ATP13A2: variants seen among roughly 807,000 people sequenced by gnomAD.
The protein encoded by ATP13A2 is polyamine-transporting ATPase 13A2.
A neutral mutation model predicts 138.3 loss-of-function variants in ATP13A2; 83 were observed. That is an observed-to-expected ratio of 0.60 (90% CI 0.50 to 0.72). The LOEUF (loss-of-function observed/expected upper bound fraction) is 0.72, where lower values mean the gene tolerates loss of function less well. Among genes scored for constraint, ATP13A2 ranks in the 30% least tolerant of loss-of-function variants. The pLI is 0.00. For missense variants in ATP13A2, 1,402 were observed against 1,606.4 expected (o/e 0.87, Z 2.17); for synonymous variants, 663 against 699.0 (o/e 0.95, Z 0.81).
At chr1:17,005,121 C>T in intron 3 of ATP13A2, 49 bp from the exon 4 acceptor site, 4 of 1,610,348 alleles carry the variant, frequency 2.5e-6, no homozygotes, top group Non-Finnish European at 3.4e-6. Context: ...CCCTCCCCTC[C>T]CAGGCCCTGT....
At position 16,989,739 on chromosome 1, in the gene ATP13A2, A is replaced by C. The variant is rs587777053; in HGVS notation, c.2561T>G (p.Met854Arg). Residue 854 changes from methionine to arginine, a missense_variant, in exon 23 of 29, where the codon ATG becomes AGG. Met to Arg is a moderately conservative substitution (Grantham distance 91). Transcript: ENST00000326735. ...CAGCTCTGTCTTCTGCTCAGGGGCCATGCGGGCAAAGACAGTGCCCTGGAC... is the reference window on the plus strand; with the variant it reads ...CAGCTCTGTCTTCTGCTCAGGGGCCCTGCGGGCAAAGACAGTGCCCTGGAC... ...VLVQGTVFAR[M>R]APEQKTELVC... 6.2e-7 allele frequency: 1 copy of C among 1,614,078 alleles called. No individual in the cohort carries two copies. The highest frequency in any genetic ancestry group is 8.5e-7 in the Non-Finnish European group (1 of 1,180,032).
rs2076743384 is a variant in ATP13A2, at chr1:16,986,760, C to T, written c.3235+45G>A. 1 of 907,862 alleles carries T rather than the reference C, an allele frequency of 1.1e-6. No individual in the cohort carries two copies. The highest frequency in any genetic ancestry group is 1.5e-6 in the Non-Finnish European group (1 of 686,792). 56.2% of individuals were successfully genotyped at this position (907,862 alleles called of 1,614,324 possible). The stretch of plus-strand genomic sequence containing the variant: ...CTGCCTCCCCAGCACCCCAGGGCTC[C>T]TCCCTCCCTCCGCCAGCATCTCCCG... On this transcript the variant is annotated intron_variant, in intron 27 of 28. Coordinates refer to ENST00000326735, the MANE Select transcript of ATP13A2 (RefSeq NM_022089.4). The surrounding 1 kb of genome is among the most constrained non-coding windows in gnomAD (Gnocchi z 6.9).
chr1:17,009,782 C>T (rs1204689116), intron 1 of ATP13A2, among the ~76,000 whole-genome samples: 1 of 152,158 alleles, frequency 6.6e-6, no homozygotes, highest in East Asian at 1.9e-4. Flanking sequence ...AGTTCTTCCT[C>T]ATGGCAATCG....
intron 11 of ATP13A2, among the ~76,000 whole-genome samples, chr1:16,999,070 G>A (rs2077245316): frequency 6.6e-6 from 1 of 152,000 alleles, no homozygotes; most frequent in African/African-American, 2.4e-5. Context: ...ACCTGAAGGT[G>A]GGCACTGGTA....
At chr1:16,989,349 T>C (rs372405137) in intron 23 of ATP13A2, among the ~76,000 whole-genome samples, 1 of 152,280 alleles carries the variant, frequency 6.6e-6, no homozygotes, top group African/African-American at 2.4e-5. Context: ...GTAGCTGGGA[T>C]GACCGGTGTG....
intron 25 of ATP13A2, among the ~76,000 whole-genome samples, chr1:16,987,520 C>G (rs2076780260): frequency 6.6e-6 from 1 of 152,208 alleles, no homozygotes; most frequent in Admixed American, 6.5e-5. Flanking sequence ...AGGTTTCCCT[C>G]CCTGTAACAA....
At position 16,991,738 on chromosome 1, in the gene ATP13A2, C is replaced by T; in HGVS notation, c.2247G>A (p.Val749=). 6.2e-7 allele frequency: 1 copy of T among 1,614,160 alleles called. No individual in the cohort carries two copies. Among genetic ancestry groups the T allele is most frequent in the Non-Finnish European group, 8.5e-7 (1 of 1,180,052 alleles). The part of the protein sequence containing the change: ...LRRTRIRAVM[V]TGDNLQTAVT... ...GGCCCCTACATGCCATTGTACCTGT[C>T]ACCATGACGGCGCGGATGCGGGTCC... The change falls in exon 20 of 29, where the codon GTG becomes GTA. Residue 749 remains valine, a synonymous_variant. Coordinates refer to ENST00000326735, the MANE Select transcript of ATP13A2 (RefSeq NM_022089.4).
intron 11 of ATP13A2, among the ~76,000 whole-genome samples, chr1:16,998,159 C>T (rs2077212724): frequency 6.6e-6 from 1 of 152,172 alleles, no homozygotes; most frequent in Non-Finnish European, 1.5e-5. Context: ...TTGTGGAGGG[C>T]AGGGCTCAGG....
At chr1:16,999,825 TG>T (rs916296319) in intron 11 of ATP13A2, among the ~76,000 whole-genome samples, 185 bp downstream of exon 11, 8 of 151,982 alleles carry the variant, frequency 5.3e-5, no homozygotes, top group Non-Finnish European at 1.2e-4. Flanking sequence ...CACTTGAACC[TG>T]GGGGGTGGAG....
intron 2 of ATP13A2, 50 bp from the exon 3 acceptor site, chr1:17,005,606 A>G: frequency 6.2e-7 from 1 of 1,613,800 alleles, no homozygotes; most frequent in South Asian, 1.1e-5. Flanking sequence ...ACGGGGCTGG[A>G]GTAGGAAGTT....
At chr1:16,989,521 A>C (rs1404609558) in intron 23 of ATP13A2, among the ~76,000 whole-genome samples, 170 bp downstream of exon 23, 1 of 152,172 alleles carries the variant, frequency 6.6e-6, no homozygotes, top group Non-Finnish European at 1.5e-5. Flanking sequence ...TACAATTATT[A>C]TTTTTAGCAT....
chr1:16,999,820 G>A (rs2077277675), intron 11 of ATP13A2, among the ~76,000 whole-genome samples, 191 bp downstream of exon 11: 1 of 152,192 alleles, frequency 6.6e-6, no homozygotes, highest in African/African-American at 2.4e-5. Context: ...AGAATCACTT[G>A]AACCTGGGGG....
chr1:16,994,687 G>C (rs534681361), intron 15 of ATP13A2, among the ~76,000 whole-genome samples: 4 of 151,716 alleles, frequency 2.6e-5, no homozygotes, highest in Non-Finnish European at 4.4e-5. Flanking sequence ...TTTTGAGACG[G>C]AGTCTCACTC....
At chr1:16,996,595 C>A in intron 12 of ATP13A2, 99 bp from the exon 13 acceptor site, 1 of 951,486 alleles carries the variant, frequency 1.1e-6, no homozygotes, top group Non-Finnish European at 1.7e-6. Flanking sequence ...AGTTGCAAGA[C>A]ATGATGTTTG....
chr1:17,002,431 C>T, intron 6 of ATP13A2, 58 bp from the exon 7 acceptor site: 1 of 1,571,290 alleles, frequency 6.4e-7, no homozygotes. Context: ...CTGCATCCCC[C>T]ACCCTGTGCA....
chr1:16,991,709 C>T (rs2076936495), intron 20 of ATP13A2, 25 bp downstream of exon 20: 2 of 1,614,006 alleles, frequency 1.2e-6, no homozygotes, highest in Non-Finnish European at 1.7e-6. Context: ...GCCCTGCTAG[C>T]CCGGGCCCCT....
chr1:17,003,336 T>A (rs2077430445), intron 6 of ATP13A2, among the ~76,000 whole-genome samples: 1 of 151,998 alleles, frequency 6.6e-6, no homozygotes, highest in Non-Finnish European at 1.5e-5. Flanking sequence ...GGCGGGTGGA[T>A]CACCTGAGGT....
Position 16,995,693 on chromosome 1 carries a change from G to A in ATP13A2, c.1542+283C>T, listed in dbSNP as rs963725146. 8.1e-6 allele frequency: 4 copies of A among 495,296 alleles called. No individual in the cohort carries two copies. Among genetic ancestry groups the A allele is most frequent in the Non-Finnish European group, 1.5e-5 (4 of 265,828 alleles). The allele number at this position is 495,296 out of a possible 1,614,324, so 30.7% of individuals were successfully genotyped here. On this transcript the variant is annotated intron_variant, in intron 15 of 28. Coordinates refer to ENST00000326735, the MANE Select transcript of ATP13A2 (RefSeq NM_022089.4). The surrounding 1 kb of genome is among the most constrained non-coding windows in gnomAD (Gnocchi z 4.1). Reference sequence around the variant, plus strand: ...ACTCCTGACCTCAAGTGATGTATCTGCCTCAGCCTCCCAAAGTGCTGGGAT... The same window carrying A: ...ACTCCTGACCTCAAGTGATGTATCTACCTCAGCCTCCCAAAGTGCTGGGAT...
In ATP13A2 at chr1:16,990,137, T is replaced by G; in HGVS notation, c.2402A>C (p.Asn801Thr). Reference protein sequence around the residue: ...FLPMESPTAVNGVKDPDQAAS... With the variant: ...FLPMESPTAVTGVKDPDQAAS... ...CTGGGTTAGCCTCACCTTAACGCCA[T>G]TCACGGCTGTGGGGGACTCCATCGG... The change falls in exon 21 of 29, where the codon AAT becomes ACT. Residue 801 changes from asparagine to threonine, a missense_variant. Physicochemically the swap from Asn to Thr is moderately conservative, Grantham distance 65. Transcript: ENST00000326735. 6.2e-7 allele frequency: 1 copy of G among 1,614,140 alleles called. No individual in the cohort carries two copies. Among genetic ancestry groups the G allele is most frequent in the Non-Finnish European group, 8.5e-7 (1 of 1,180,008 alleles).
Sources: allele counts gnomAD v4.1 joint callset (sites outside exome capture counted in the v4.1 genomes callset), GRCh38; gene constraint gnomAD v4.1.1; non-coding constraint Gnocchi (gnomAD v3.1); transcripts MANE v1.5; gene names NCBI Gene and HGNC (gene_info 2026-07-23, HGNC 2026-07-21).